FMN2: variants seen among roughly 807,000 people sequenced by gnomAD.
FMN2 encodes the protein formin-2.
Under a neutral mutation model 142.3 loss-of-function variants are expected in FMN2, and 51 were observed. The ratio of observed to expected loss-of-function variants is 0.36; its 90% CI spans 0.29 to 0.45. The LOEUF is 0.45. FMN2 is among the 20% of genes least tolerant of loss of function. FMN2 has a pLI of 1.00. For missense variants in FMN2, 1,936 were observed against 2,122.8 expected (o/e 0.91, Z 1.73); for synonymous variants, 882 against 869.8 (o/e 1.01, Z -0.25).
Position 240,242,077 on chromosome 1 carries a change from C to A in FMN2, c.4066-15868C>A, listed in dbSNP as rs1011795033. Among the ~76,000 whole-genome samples the A allele has an allele frequency of 2.0e-5, 3 of 152,032 alleles. No individual in the cohort carries two copies. In the South Asian group the frequency reaches 6.2e-4, roughly 32 times the overall value. ...AGCCAGGATGGTCTCGATCTCCTGA[C>A]CTCGTGATCCGCCTGCCTCGGCCTC... On this transcript the variant is annotated intron_variant, in intron 6 of 17. Coordinates refer to ENST00000319653, the MANE Select transcript of FMN2 (RefSeq NM_020066.5).
chr1:240,225,976 A>G (rs554973234), intron 6 of FMN2, among the ~76,000 whole-genome samples: 84 of 152,314 alleles, frequency 5.5e-4, no homozygotes, highest in African/African-American at 1.8e-3. Context: ...AGACTTGAAC[A>G]TAGATCAATA....
intron 14 of FMN2, among the ~76,000 whole-genome samples, chr1:240,358,917 A>G (rs1395827478): frequency 6.6e-6 from 1 of 152,164 alleles, no homozygotes; most frequent in Non-Finnish European, 1.5e-5. Flanking sequence ...TGCGCAGGTC[A>G]CATGAGGCCA....
chr1:240,297,217 G>A (rs896884512), intron 8 of FMN2, among the ~76,000 whole-genome samples: 2 of 152,084 alleles, frequency 1.3e-5, no homozygotes, highest in African/African-American at 4.8e-5. Context: ...AGGAATGAAT[G>A]TCTTATTTAC....
At chr1:240,145,516 C>A in intron 2 of FMN2, 4 of 142,036 alleles carry the variant, frequency 2.8e-5, no homozygotes, top group Non-Finnish European at 5.5e-5. Flanking sequence ...GGCAATTTTT[C>A]TTTTTCTTTT....
In FMN2 at chr1:240,227,771, G is replaced by C. The variant is rs181846480; in HGVS notation, c.4065+16536G>C. 2.7e-3 allele frequency among the ~76,000 whole-genome samples: 410 copies of C among 152,190 alleles called. 3 individuals are homozygous for C. In the South Asian group the frequency reaches 0.027, roughly 10 times the overall value. On this transcript the variant is annotated intron_variant, in intron 6 of 17. Coordinates refer to ENST00000319653, the MANE Select transcript of FMN2 (RefSeq NM_020066.5). ...TGCAAAAGAATGAGATTAGGCAATG[G>C]TTTCTTAGATCTATGACTCTAAAAG... is the stretch of plus-strand genomic sequence containing the variant.
At chr1:240,428,874 T>C (rs1236513366) in intron 15 of FMN2, among the ~76,000 whole-genome samples, 1 of 152,228 alleles carries the variant, frequency 6.6e-6, no homozygotes, top group Non-Finnish European at 1.5e-5. Flanking sequence ...GAATCATTTT[T>C]GTTATGATGT....
chr1:240,433,987 T>A (rs1383901323), intron 15 of FMN2, among the ~76,000 whole-genome samples: 1 of 152,218 alleles, frequency 6.6e-6, no homozygotes, highest in Non-Finnish European at 1.5e-5. Context: ...ATTTTAGAGC[T>A]CTGCAGGTAC....
intron 14 of FMN2, among the ~76,000 whole-genome samples, chr1:240,366,488 A>C (rs1672672651): frequency 6.8e-6 from 1 of 147,256 alleles, no homozygotes; most frequent in African/African-American, 2.5e-5. Context: ...ATTAATTTTT[A>C]TTCTATTGTA....
At chr1:240,199,630 T>C (rs187141728) in intron 4 of FMN2, among the ~76,000 whole-genome samples, 4 of 152,318 alleles carry the variant, frequency 2.6e-5, no homozygotes, top group Admixed American at 1.3e-4. Context: ...TATAAGATTA[T>C]ACAGGAATGG....
rs765361085 is a variant in FMN2 at position 240,092,664 on chromosome 1, C to T, written c.555C>T (p.Ser185=). 1.2e-5 allele frequency: 19 copies of T among 1,613,980 alleles called. No homozygotes were observed. Among genetic ancestry groups the T allele is most frequent in the East Asian group, 2.2e-5 (1 of 44,874 alleles). ...CGGGCTCGGACACGGACATCTATAGCTTCCATTCGGCTACGGAGCAAGAGG... is the reference window on the plus strand; with the variant it reads ...CGGGCTCGGACACGGACATCTATAGTTTCCATTCGGCTACGGAGCAAGAGG... ...TSSGSDTDIY[S]FHSATEQEDL... is the part of the protein sequence containing the mutation. The change falls in exon 1 of 18, where the codon AGC becomes AGT. Residue 185 remains serine (S), a synonymous_variant. Coordinates refer to ENST00000319653, the MANE Select transcript of FMN2 (RefSeq NM_020066.5).
intron 13 of FMN2, among the ~76,000 whole-genome samples, chr1:240,349,981 A>G (rs1254632109): frequency 6.6e-6 from 1 of 151,752 alleles, no homozygotes; most frequent in Non-Finnish European, 1.5e-5. Context: ...ACATAGTCAC[A>G]TACCAATTTT....
chr1:240,367,462 A>AT (rs1320938548), intron 14 of FMN2, among the ~76,000 whole-genome samples: 1 of 151,928 alleles, frequency 6.6e-6, no homozygotes, highest in South Asian at 2.1e-4. Flanking sequence ...ATGGTGCATA[A>AT]TTTTTTTGCC....
At chr1:240,162,019 C>T (rs1024483820) in intron 2 of FMN2, among the ~76,000 whole-genome samples, 6 of 151,560 alleles carry the variant, frequency 4.0e-5, no homozygotes, top group South Asian at 2.1e-4. Context: ...GTAATCCCAG[C>T]GCTTTAGGGG....
chr1:240,148,426 TACAGAA>T (rs2103267430), intron 2 of FMN2, among the ~76,000 whole-genome samples: 1 of 134,006 alleles, frequency 7.5e-6, no homozygotes, highest in Middle Eastern at 4.1e-3. Context: ...ACAGGAAAGA[TACAGAA>T]AGAGAGAGAC....
chr1:240,346,345 T>C (rs1285232410), intron 13 of FMN2, among the ~76,000 whole-genome samples: 1 of 152,144 alleles, frequency 6.6e-6, no homozygotes, highest in Non-Finnish European at 1.5e-5. Context: ...ACAAATATTA[T>C]TTGTATACAA....
intron 6 of FMN2, among the ~76,000 whole-genome samples, chr1:240,243,295 C>T (rs1181927047): frequency 2.0e-5 from 3 of 152,128 alleles, no homozygotes; most frequent in African/African-American, 4.8e-5. Context: ...TCCTGATTCT[C>T]ATTGGGTCAA....
chr1:240,288,389 C>T (rs1006594918), intron 7 of FMN2, among the ~76,000 whole-genome samples: 3 of 152,176 alleles, frequency 2.0e-5, no homozygotes, highest in South Asian at 2.1e-4. Context: ...AATCATGATG[C>T]TTCTCCATGT....
intron 2 of FMN2, among the ~76,000 whole-genome samples, chr1:240,138,616 A>G (rs1663053294): frequency 6.6e-6 from 1 of 152,062 alleles, no homozygotes; most frequent in South Asian, 2.1e-4. Flanking sequence ...CTGAGGCAAG[A>G]GAATCGCTTG....
At chr1:240,393,183 T>C (rs1346733777) in intron 15 of FMN2, among the ~76,000 whole-genome samples, 1 of 143,880 alleles carries the variant, frequency 7.0e-6, no homozygotes, top group Admixed American at 7.1e-5. Flanking sequence ...TTTTTTTTTT[T>C]CACAAATTGA....
Sources: allele counts gnomAD v4.1 joint callset (sites outside exome capture counted in the v4.1 genomes callset), GRCh38; gene constraint gnomAD v4.1.1; transcripts MANE v1.5; gene names NCBI Gene and HGNC (gene_info 2026-07-23, HGNC 2026-07-21).